The following GALK2 variants were observed in gnomAD, a reference collection of about 807,000 sequenced individuals.
GALK2 encodes galactokinase 2, also known as N-acetylgalactosamine kinase.
In GALK2, 36 loss-of-function variants were observed where a neutral mutation model predicts 52.4. That is an observed-to-expected ratio of 0.69 (90% CI 0.53 to 0.91). The LOEUF (loss-of-function observed/expected upper bound fraction) is 0.91. GALK2 is among the 40% of genes least tolerant of loss of function. The pLI, the probability that GALK2 is intolerant of heterozygous loss-of-function variation, is 0.00. For synonymous variants in GALK2, 176 were observed against 199.1 expected (o/e 0.88, Z 0.98); for missense variants, 579 against 559.1 (o/e 1.04, Z -0.36).
intron 5 of GALK2, among the ~76,000 whole-genome samples, chr15:49,275,782 C>T (rs951159289): frequency 2.0e-4 from 30 of 152,218 alleles, no homozygotes; most frequent in Non-Finnish European, 4.0e-4. Flanking sequence ...GAATCTTTCG[C>T]CCTTCTCAGT....
chr15:49,320,837 G>C (rs987404065), intron 9 of GALK2, among the ~76,000 whole-genome samples: 2 of 152,184 alleles, frequency 1.3e-5, no homozygotes, highest in Non-Finnish European at 2.9e-5. Context: ...ATATGGAAGG[G>C]ACAAATATTG....
intron 8 of GALK2, among the ~76,000 whole-genome samples, chr15:49,316,249 G>A (rs1177348386): frequency 6.6e-6 from 1 of 152,186 alleles, no homozygotes; most frequent in African/African-American, 2.4e-5. Context: ...GCAATATTAA[G>A]GAACCACTGG....
chr15:49,234,074 G>C (rs1391108091), intron 3 of GALK2, among the ~76,000 whole-genome samples: 1 of 152,034 alleles, frequency 6.6e-6, no homozygotes, highest in Admixed American at 6.6e-5. Context: ...ACAATGATTG[G>C]CATATAGTAG....
chr15:49,233,232 C>A (rs1424891819), intron 3 of GALK2, among the ~76,000 whole-genome samples: 1 of 152,180 alleles, frequency 6.6e-6, no homozygotes, highest in African/African-American at 2.4e-5. Context: ...GGCATGTCTA[C>A]ATGGCCAGAG....
At chr15:49,321,508 G>A (rs992219999) in intron 9 of GALK2, among the ~76,000 whole-genome samples, 12 of 152,168 alleles carry the variant, frequency 7.9e-5, no homozygotes, top group Admixed American at 5.9e-4. Context: ...AAATCAAGAC[G>A]ACTCCTGGGT....
chr15:49,334,333 A>C, downstream of GALK2: 1 of 615,252 alleles, frequency 1.6e-6, no homozygotes, highest in Non-Finnish European at 2.0e-6. Context: ...AAAATAATGC[A>C]GGCATTACTA....
rs908699836 is a variant in GALK2, at chr15:49,176,431, T to G, written c.53+6056T>G. On this transcript the variant is annotated intron_variant, in intron 1 of 9. Transcript: ENST00000560031. ...TGTTCCTGGGTTGCAATCTTCAAAC[T>G]TGGCCCAAATAAACTCTGTATTAAG... is the stretch of plus-strand genomic sequence containing the variant. Among the ~76,000 whole-genome samples, 2 of 152,264 alleles carry G rather than the reference T, an allele frequency of 1.3e-5. 1 individual carries two copies. Among genetic ancestry groups the G allele is most frequent in the Non-Finnish European group, 2.9e-5 (2 of 68,042 alleles).
chr15:49,347,424 T>C lies in GALK2; in HGVS notation c.427-20067T>C, dbSNP rs955090001. 4.6e-5 allele frequency among the ~76,000 whole-genome samples: 7 copies of C among 152,212 alleles called. No homozygotes were observed. The East Asian group carries it at 7.7e-4, about 17-fold the overall frequency. ...ATGAAGGTGCTTCTCCTTTCTACTA[T>C]AGCATTCTATGTATAGGACAGATTA... On this transcript the variant is annotated intron_variant, in intron 3 of 3. Transcript: ENST00000558399.
chr15:49,281,599 ATAG>A (rs1471750802), intron 5 of GALK2, among the ~76,000 whole-genome samples: 2 of 152,194 alleles, frequency 1.3e-5, no homozygotes, highest in East Asian at 3.8e-4. Flanking sequence ...AGACTGTGGA[ATAG>A]TAGTTCACTG....
intron 8 of GALK2, among the ~76,000 whole-genome samples, chr15:49,314,385 G>A (rs928549239): frequency 6.6e-6 from 1 of 151,936 alleles, no homozygotes; most frequent in Non-Finnish European, 1.5e-5. Flanking sequence ...GTATACTTTG[G>A]GCACTGAAGT....
intron 1 of GALK2, among the ~76,000 whole-genome samples, chr15:49,174,752 GTTTAAC>G (rs1173403399): frequency 1.3e-5 from 2 of 152,090 alleles, no homozygotes; most frequent in Admixed American, 6.5e-5. Context: ...ATAGTTTCTA[GTTTAAC>G]TTTATGACAT....
Position 49,192,396 on chromosome 15 carries a change from A to G in GALK2, c.54-8766A>G, listed in dbSNP as rs572195670. ...TCATTTTGGAAACAAGTCAGAATTTATTCAAACATTCTCCTATGTAAGAGT... is the reference window on the plus strand; with the variant it reads ...TCATTTTGGAAACAAGTCAGAATTTGTTCAAACATTCTCCTATGTAAGAGT... On this transcript the variant is annotated intron_variant, in intron 1 of 9. Transcript: ENST00000560031. Among the ~76,000 whole-genome samples, 109 of 150,212 alleles carry G rather than the reference A, an allele frequency of 7.3e-4. 3 individuals carry two copies. In the South Asian group the frequency reaches 0.022, roughly 30 times the overall value.
At chr15:49,366,199 A>C (rs1476123577) in intron 3 of GALK2, 1 of 802,396 alleles carries the variant, frequency 1.2e-6, no homozygotes, top group Non-Finnish European at 2.3e-6. Flanking sequence ...GCCACGATGG[A>C]GAACACATTT....
chr15:49,175,645 G>A (rs978696084), intron 1 of GALK2, among the ~76,000 whole-genome samples: 1 of 151,990 alleles, frequency 6.6e-6, no homozygotes. Context: ...GCCATCTGAG[G>A]TATGTTAAGG....
At chr15:49,363,908 G>C (rs1327860801) in intron 3 of GALK2, among the ~76,000 whole-genome samples, 1 of 152,114 alleles carries the variant, frequency 6.6e-6, no homozygotes, top group Non-Finnish European at 1.5e-5. Flanking sequence ...TTAATGTGAT[G>C]AATCACATTT....
intron 2 of GALK2, among the ~76,000 whole-genome samples, chr15:49,209,461 A>G (rs1595674752): frequency 6.6e-6 from 1 of 152,102 alleles, no homozygotes; most frequent in African/African-American, 2.4e-5. Context: ...GACATTAGCT[A>G]TGGGTTTGTC....
At chr15:49,175,689 A>G (rs1458809038) in intron 1 of GALK2, among the ~76,000 whole-genome samples, 1 of 152,162 alleles carries the variant, frequency 6.6e-6, no homozygotes, top group Non-Finnish European at 1.5e-5. Context: ...CTTATGCCCA[A>G]TTTCTGCCTC....
At chr15:49,182,672 T>TA (rs1191473247) in intron 1 of GALK2, among the ~76,000 whole-genome samples, 3 of 152,220 alleles carry the variant, frequency 2.0e-5, no homozygotes, top group Non-Finnish European at 4.4e-5. Context: ...TTTTTTTGGA[T>TA]AAAAGCCATT....
downstream of GALK2, among the ~76,000 whole-genome samples, chr15:49,336,214 C>T (rs1422352736): frequency 1.3e-5 from 2 of 152,234 alleles, no homozygotes; most frequent in South Asian, 2.1e-4. Context: ...CTTCTGCCAT[C>T]TTCCCAGAAG....
Sources: gnomAD v4.1 joint callset for allele counts (sites outside exome capture counted in the v4.1 genomes callset) on GRCh38, gnomAD v4.1.1 for gene constraint, MANE v1.5 for transcripts, NCBI Gene and HGNC (gene_info 2026-07-23, HGNC 2026-07-21) for gene names.